SPATA6: variants seen among roughly 807,000 people sequenced by gnomAD.
The protein encoded by SPATA6 is spermatogenesis-associated protein 6.
In SPATA6, 56 loss-of-function variants were observed where a neutral mutation model predicts 65.3. The observed-to-expected ratio is 0.86, with a 90% CI of 0.69 to 1.07. The LOEUF (loss-of-function observed/expected upper bound fraction) is 1.07. SPATA6 is among the 50% of genes least tolerant of loss of function. The pLI is 0.00. For missense variants in SPATA6, 590 were observed against 594.8 expected, an observed-to-expected ratio of 0.99 and a Z score of 0.08; for synonymous variants, 199 against 213.2, an observed-to-expected ratio of 0.93 and a Z score of 0.58.
the SPATA6 span, among the ~76,000 whole-genome samples, chr1:48,265,395 GA>G: frequency 2.7e-4 from 39 of 142,750 alleles, no homozygotes; most frequent in East Asian, 8.2e-4. Flanking sequence ...TATTAAAGGA[GA>G]AAAAAAAAAC....
the SPATA6 span, among the ~76,000 whole-genome samples, chr1:48,276,682 C>A: frequency 6.6e-6 from 1 of 152,124 alleles, no homozygotes; most frequent in South Asian, 2.1e-4. Flanking sequence ...TTTGATTGCA[C>A]TGTGGTCTGA....
the SPATA6 span, among the ~76,000 whole-genome samples, chr1:48,265,567 G>A: frequency 6.6e-6 from 1 of 151,830 alleles, no homozygotes; most frequent in African/African-American, 2.4e-5. Flanking sequence ...CTAACACAAC[G>A]AAAATATTTT....
intron 11 of SPATA6, among the ~76,000 whole-genome samples, chr1:48,353,360 A>G (rs900601450): frequency 6.6e-6 from 1 of 151,926 alleles, no homozygotes; most frequent in East Asian, 1.9e-4. Context: ...AAAGGAAAAT[A>G]AATTGTTAAA....
At chr1:48,466,096 C>T (rs1040614153) in intron 1 of SPATA6, among the ~76,000 whole-genome samples, 10 of 151,990 alleles carry the variant, frequency 6.6e-5, no homozygotes, top group Admixed American at 6.6e-4. Context: ...CTAGGGCACA[C>T]AATACACCCC....
intron 9 of SPATA6, among the ~76,000 whole-genome samples, chr1:48,382,638 C>CG (rs1177851895): frequency 4.6e-5 from 1 of 21,794 alleles, no homozygotes; most frequent in African/African-American, 1.5e-4. Context: ...GACCCCCCCC[C>CG]CCCCGCCTCC....
chr1:48,392,342 A>G (rs1650156733), intron 8 of SPATA6, among the ~76,000 whole-genome samples: 1 of 152,120 alleles, frequency 6.6e-6, no homozygotes, highest in East Asian at 1.9e-4. Context: ...AGAGGCCAGG[A>G]TGGATGTACT....
Position 48,418,480 on chromosome 1 carries a change from GGAGGGTTGCTT to G in SPATA6, c.239-5340_239-5330del, listed in dbSNP as rs1652987650. On this transcript the variant is annotated intron_variant, in intron 3 of 12. Transcript: ENST00000371847. ...CCCAGCACTTTGGGAGGCCAAGTTG[GGAGGGTTGCTT>G]GAGCCCCGGAGTTCGAGACCAGCCT... Among the ~76,000 whole-genome samples the G allele has an allele frequency of 2.1e-5, 3 of 144,094 alleles. No homozygotes were observed. The South Asian group carries it at 6.6e-4, about 32-fold the overall frequency. The allele number at this position is 144,094 out of a possible 152,430, so 94.5% of individuals were successfully genotyped here. A position where few individuals can be genotyped will look rare whatever the true frequency, so the allele number is the denominator to read the frequency against.
intron 3 of SPATA6, among the ~76,000 whole-genome samples, chr1:48,434,097 A>T (rs1272926955): frequency 6.6e-6 from 1 of 152,172 alleles, no homozygotes; most frequent in Non-Finnish European, 1.5e-5. Flanking sequence ...ACAAGATTGT[A>T]ACACTACAAA....
chr1:48,291,583 T>C (rs997037639), downstream of SPATA6, among the ~76,000 whole-genome samples: 3 of 151,980 alleles, frequency 2.0e-5, no homozygotes, highest in Non-Finnish European at 4.4e-5. Context: ...ACTCCCTCTG[T>C]GCCCACCTGC....
chr1:48,374,203 T>C (rs1647624373), intron 9 of SPATA6, among the ~76,000 whole-genome samples: 1 of 152,028 alleles, frequency 6.6e-6, no homozygotes, highest in African/African-American at 2.4e-5. Context: ...TATATGTAGA[T>C]GATAAGTTTA....
intron 9 of SPATA6, among the ~76,000 whole-genome samples, chr1:48,371,911 T>G (rs984326547): frequency 1.3e-5 from 2 of 152,126 alleles, no homozygotes; most frequent in African/African-American, 4.8e-5. Flanking sequence ...CTCATGACAC[T>G]TATTTACTAT....
At chr1:48,434,213 G>C (rs556633194) in intron 3 of SPATA6, among the ~76,000 whole-genome samples, 1 of 136,752 alleles carries the variant, frequency 7.3e-6, no homozygotes, top group African/African-American at 2.8e-5. Flanking sequence ...GATATCAAAC[G>C]CATAGTAGGT....
chr1:48,271,719 A>T, the SPATA6 span, among the ~76,000 whole-genome samples: 2 of 152,148 alleles, frequency 1.3e-5, no homozygotes, highest in Non-Finnish European at 2.9e-5. Context: ...CAAGGCCCCA[A>T]ATCACTGACC....
chr1:48,404,008 C>A, intron 5 of SPATA6, 126 bp from the exon 6 acceptor site: 1 of 628,678 alleles, frequency 1.6e-6, no homozygotes. Context: ...TTAGTTTGAA[C>A]TTTTCATTAA....
chr1:48,437,912 A>C (rs1381275391), intron 3 of SPATA6, among the ~76,000 whole-genome samples: 1 of 149,326 alleles, frequency 6.7e-6, no homozygotes, highest in African/African-American at 2.4e-5. Context: ...AAAAAAAAAC[A>C]CACCAATCAG....
intron 9 of SPATA6, among the ~76,000 whole-genome samples, chr1:48,374,695 C>A (rs890640767): frequency 6.6e-6 from 1 of 152,144 alleles, no homozygotes; most frequent in Non-Finnish European, 1.5e-5. Context: ...GACAATAGAT[C>A]ACTCAACTGA....
chr1:48,276,706 A>G, the SPATA6 span, among the ~76,000 whole-genome samples: 1 of 151,914 alleles, frequency 6.6e-6, no homozygotes, highest in Non-Finnish European at 1.5e-5. Context: ...AATGTTTCTT[A>G]TTTTTCCATT....
intron 9 of SPATA6, among the ~76,000 whole-genome samples, chr1:48,379,094 G>C (rs957512157): frequency 1.3e-5 from 2 of 152,172 alleles, no homozygotes; most frequent in Admixed American, 6.5e-5. Flanking sequence ...TTAAAGAAAA[G>C]AGGTTTAATT....
the SPATA6 span, among the ~76,000 whole-genome samples, chr1:48,285,828 AC>A: frequency 6.6e-6 from 1 of 152,010 alleles, no homozygotes; most frequent in African/African-American, 2.4e-5. Context: ...TGCAGAAATC[AC>A]CCACCTTCTA....
Sources: gnomAD v4.1 joint callset for allele counts (sites outside exome capture counted in the v4.1 genomes callset) on GRCh38, gnomAD v4.1.1 for gene constraint, MANE v1.5 for transcripts, NCBI Gene and HGNC (gene_info 2026-07-23, HGNC 2026-07-21) for gene names.